IFT27: variants seen among roughly 807,000 people sequenced by gnomAD.
IFT27 encodes the protein intraflagellar transport 27, also known as intraflagellar transport protein 27 homolog.
Under a neutral mutation model 23.9 loss-of-function variants are expected in IFT27, and 19 were observed. The ratio of observed to expected loss-of-function variants is 0.79; its 90% CI spans 0.55 to 1.16. IFT27 has a LOEUF of 1.16. IFT27 is among the 50% of genes most tolerant of loss of function. IFT27 has a pLI of 0.00. For synonymous variants in IFT27, 91 were observed against 89.1 expected (o/e 1.02, Z -0.12); for missense variants, 206 against 228.7 (o/e 0.90, Z 0.64).
intron 4 of IFT27, among the ~76,000 whole-genome samples, chr22:36,764,451 C>A (rs1331622275): frequency 3.3e-5 from 5 of 152,252 alleles, no homozygotes; most frequent in Admixed American, 3.3e-4. Context: ...CGACTGAGTT[C>A]TTCTCTACCC....
chr22:36,774,204 T>A (rs1274812547), intron 1 of IFT27, among the ~76,000 whole-genome samples: 1 of 152,232 alleles, frequency 6.6e-6, no homozygotes, highest in Non-Finnish European at 1.5e-5. Context: ...ATGATTCAGT[T>A]ACTACTGTCA....
At chr22:36,767,444 C>A in intron 2 of IFT27, 79 bp from the exon 3 acceptor site, 1 of 1,290,542 alleles carries the variant, frequency 7.7e-7, no homozygotes, top group Non-Finnish European at 1.1e-6. Flanking sequence ...ACAAGCACCC[C>A]GATCCCAGGA....
chr22:36,771,802 T>C (rs937681265), intron 1 of IFT27, among the ~76,000 whole-genome samples: 2 of 152,176 alleles, frequency 1.3e-5, no homozygotes, highest in African/African-American at 4.8e-5. Flanking sequence ...TCTTCTTTTT[T>C]CTCCCGGCTG....
At position 36,763,899 on chromosome 22, in the gene IFT27, T is replaced by C. The variant is rs936941607; in HGVS notation, c.352+20A>G. 2.7e-6 allele frequency: 4 copies of C among 1,505,714 alleles called. No individual in the cohort carries two copies. Among genetic ancestry groups the C allele is most frequent in the East Asian group, 2.3e-5 (1 of 44,382 alleles). 93.3% of individuals were successfully genotyped at this position (1,505,714 alleles called of 1,614,324 possible). On this transcript the variant is annotated intron_variant, in intron 5 of 6. Transcript: ENST00000433985. ...AGGACAGAGATGCCGCTGGGAAACA[T>C]GGGTGTCTGCAGCCCGTACCTGGGA...
chr22:36,772,665 T>C, intron 1 of IFT27: 1 of 985,460 alleles, frequency 1.0e-6, no homozygotes, highest in Non-Finnish European at 1.2e-6. Flanking sequence ...GACTCATGCT[T>C]GCAGGCCCAC....
chr22:36,771,302 A>G (rs9619634), intron 1 of IFT27, among the ~76,000 whole-genome samples: 115,709 of 152,116 alleles, frequency 0.76, 44,448 homozygotes, highest in East Asian at 0.93. Context: ...CTCTAGCACC[A>G]GTGTCATTCA....
chr22:36,764,184 T>C, intron 4 of IFT27, 148 bp from the exon 5 acceptor site: 1 of 671,334 alleles, frequency 1.5e-6, no homozygotes, highest in South Asian at 1.8e-5. Context: ...TGTCCAACAA[T>C]TTCCCCAAAG....
rs1458159524 is a variant in IFT27, at chr22:36,764,045, G to A, written c.235-9C>T. 2 of 1,584,128 alleles carry A rather than the reference G, an allele frequency of 1.3e-6. No homozygotes were observed. Among genetic ancestry groups the A allele is most frequent in the Non-Finnish European group, 1.7e-6 (2 of 1,152,686 alleles). ...ACATTGGGACTCTCCCACTGTGCAA[G>A]AGGGACAGGATGAGTATGGGTCAGT... On this transcript the variant is annotated splice_polypyrimidine_tract_variant and intron_variant, in intron 4 of 6. Transcript: ENST00000433985.
At position 36,775,754 on chromosome 22, in the gene IFT27, G is replaced by A. The variant is rs755388616; in HGVS notation, c.-47C>T. 9.3e-6 allele frequency: 15 copies of A among 1,607,812 alleles called. No homozygotes were observed. The highest frequency in any genetic ancestry group is 1.3e-5 in the African/African-American group (1 of 74,794). On this transcript the variant is annotated 5_prime_UTR_variant, in exon 1 of 7. Transcript: ENST00000433985. Reference sequence around the variant, plus strand: ...CCGTACCCAGAGGACAAGAGCGGCTGCTAGAGACGCGAGTGGGTGGGCTTC... The same window carrying A: ...CCGTACCCAGAGGACAAGAGCGGCTACTAGAGACGCGAGTGGGTGGGCTTC...
rs757543095 is a variant in IFT27, at chr22:36,766,127, G to A, written c.234+11C>T. On this transcript the variant is annotated intron_variant, in intron 4 of 6. Transcript: ENST00000433985. ...TGGTGACAGTCAGGAAAAAGACCACGTGCTACTTGCCAATTTATCCAGCAT... is the reference window on the plus strand; with the variant it reads ...TGGTGACAGTCAGGAAAAAGACCACATGCTACTTGCCAATTTATCCAGCAT... 1.4e-5 allele frequency: 22 copies of A among 1,612,050 alleles called. No individual in the cohort carries two copies. The highest frequency in any genetic ancestry group is 1.6e-4 in the Middle Eastern group (1 of 6,084).
chr22:36,762,975 G>A lies in IFT27; in HGVS notation c.391C>T (p.Arg131Ter), dbSNP rs374999621. ...VGNKTDLAGRRAVDSAEARAW... is the reference protein window; with the variant it reads ...VGNKTDLAGR ...CGGGCCTCAGCTGAGTCCACTGCTCGTCTGCCGGCCAGGTCTGTCTTGTTC... is the reference window on the plus strand; with the variant it reads ...CGGGCCTCAGCTGAGTCCACTGCTCATCTGCCGGCCAGGTCTGTCTTGTTC... Residue 131 changes from arginine to a stop codon, truncating the protein, a stop_gained, in exon 6 of 7, where the codon CGA (arginine) becomes TGA (stop). Coordinates refer to ENST00000433985, the MANE Select transcript of IFT27 (RefSeq NM_001177701.3). LOFTEE classifies it high-confidence loss of function. 12 of 1,606,654 alleles carry A rather than the reference G, an allele frequency of 7.5e-6. No individual in the cohort carries two copies. The highest frequency in any genetic ancestry group is 5.3e-5 in the African/African-American group (4 of 74,938).
chr22:36,768,485 A>G (rs1402553024), intron 1 of IFT27: 1 of 197,468 alleles, frequency 5.1e-6, no homozygotes, highest in Non-Finnish European at 1.1e-5. Flanking sequence ...CTCTCCACCA[A>G]TTCTATCTGC....
chr22:36,766,267 T>C, intron 3 of IFT27, 70 bp from the exon 4 acceptor site: 1 of 1,287,170 alleles, frequency 7.8e-7, no homozygotes, highest in Non-Finnish European at 1.1e-6. Context: ...GGTATCACTC[T>C]CAACTCACAC....
chr22:36,768,078 C>A, intron 1 of IFT27: 2 of 673,286 alleles, frequency 3.0e-6, no homozygotes, highest in Non-Finnish European at 2.8e-6. Context: ...TTCTGCACGG[C>A]TAAGCCTTTT....
intron 1 of IFT27, among the ~76,000 whole-genome samples, chr22:36,771,490 G>A (rs1371775149): frequency 6.6e-6 from 1 of 152,170 alleles, no homozygotes; most frequent in Non-Finnish European, 1.5e-5. Context: ...CTCCCAGTGG[G>A]AAATGGGTCC....
At chr22:36,767,989 C>T (rs746186827) in intron 1 of IFT27, 127 bp from the exon 2 acceptor site, 27 of 891,472 alleles carry the variant, frequency 3.0e-5, no homozygotes, top group Middle Eastern at 4.2e-4. Flanking sequence ...TTGCCTCTCA[C>T]GGGAACTTGT....
chr22:36,770,804 G>A lies in IFT27; in HGVS notation c.35-2942C>T, dbSNP rs1261473077. The stretch of plus-strand genomic sequence containing the variant: ...CTGCCCCAGTTAGCTCAGCCTCACT[G>A]CTGGGTTTCTATCTCAGCCCCAAGC... On this transcript the variant is annotated intron_variant, in intron 1 of 6. Transcript: ENST00000433985. Among the ~76,000 whole-genome samples, 3 of 152,128 alleles carry A rather than the reference G, an allele frequency of 2.0e-5. No individual in the cohort carries two copies. The East Asian group carries it at 5.8e-4, about 29-fold the overall frequency.
chr22:36,765,121 C>A (rs1388999708), intron 4 of IFT27, among the ~76,000 whole-genome samples: 1 of 152,210 alleles, frequency 6.6e-6, no homozygotes, highest in Non-Finnish European at 1.5e-5. Context: ...CCCTTCACTC[C>A]ACAGATTAAC....
intron 6 of IFT27, chr22:36,759,976 C>G (rs1938037101): frequency 6.6e-6 from 1 of 152,264 alleles, no homozygotes; most frequent in Admixed American, 6.5e-5. Context: ...GTAAAGAAAA[C>G]AGTTGGCCAA....
Sources: allele counts gnomAD v4.1 joint callset (sites outside exome capture counted in the v4.1 genomes callset), GRCh38; gene constraint gnomAD v4.1.1; transcripts MANE v1.5; gene names NCBI Gene and HGNC (gene_info 2026-07-23, HGNC 2026-07-21).